GCN1: variants seen among roughly 807,000 people sequenced by gnomAD.
GCN1 encodes the protein stalled ribosome sensor GCN1.
GCN1 carries 90 observed loss-of-function variants against 288.4 expected under a neutral mutation model. That is an observed-to-expected ratio of 0.31 (90% CI 0.26 to 0.37). The LOEUF (loss-of-function observed/expected upper bound fraction) is 0.37, where lower values mean the gene tolerates loss of function less well. Among genes scored for constraint, GCN1 ranks in the 10% least tolerant of loss-of-function variants. GCN1 has a pLI of 1.00. For synonymous variants in GCN1, 1,386 were observed against 1,420.2 expected, an observed-to-expected ratio of 0.98 and a Z score of 0.54; for missense variants, 2,586 against 3,419.9, an observed-to-expected ratio of 0.76 and a Z score of 6.08.
chr12:120,173,948 A>G (rs779349172), intron 13 of GCN1, 122 bp from the exon 14 acceptor site: 99 of 1,049,532 alleles, frequency 9.4e-5, no homozygotes, highest in Non-Finnish European at 1.3e-4. Flanking sequence ...TCAGACAGCT[A>G]CGAGCCTTGC....
chr12:120,158,039 G>A lies in GCN1; in HGVS notation c.2906-9C>T, dbSNP rs1489398219. ...GGACAAGGGCGCAGCACCTGTGAGA[G>A]CGAGAAGCAGATAAGATTCTGCAGG... is the stretch of plus-strand genomic sequence containing the variant. On this transcript the variant is annotated splice_polypyrimidine_tract_variant and intron_variant, in intron 25 of 57. Transcript: ENST00000300648. The surrounding 1 kb of genome is among the most constrained non-coding windows in gnomAD (Gnocchi z 4.3). 2 of 1,613,064 alleles carry A rather than the reference G, an allele frequency of 1.2e-6. No individual in the cohort carries two copies. The highest frequency in any genetic ancestry group is 1.7e-5 in the Admixed American group (1 of 60,004).
intron 14 of GCN1, among the ~76,000 whole-genome samples, chr12:120,173,394 A>G (rs1188882524): frequency 6.6e-6 from 1 of 152,186 alleles, no homozygotes; most frequent in Non-Finnish European, 1.5e-5. Context: ...TTCAGATACT[A>G]TAGTGACAAG....
In GCN1 at chr12:120,156,604, C is replaced by T. The variant is rs1323599066; in HGVS notation, c.3169G>A (p.Val1057Ile). 6 of 1,613,860 alleles carry T rather than the reference C, an allele frequency of 3.7e-6. No individual in the cohort carries two copies. Among genetic ancestry groups the T allele is most frequent in the African/African-American group, 1.3e-5 (1 of 75,036 alleles). Reference sequence around the variant, plus strand: ...GTGGTCAGGGTGTCTGAAGCCAGAACCTAAGGAGAACATCAATCCACTGGT... The same window carrying T: ...GTGGTCAGGGTGTCTGAAGCCAGAATCTAAGGAGAACATCAATCCACTGGT... Reference protein sequence around the residue: ...VIGTGSPRLQVLASDTLTTLC... With the variant: ...VIGTGSPRLQILASDTLTTLC... The change falls in exon 28 of 58, where the codon GTT (valine) becomes ATT (isoleucine). Residue 1057 changes from valine (V) to isoleucine (I), a missense_variant and splice_region_variant. Val to Ile is a conservative substitution (Grantham distance 29, BLOSUM62 3). Around this residue, in one of 8 missense-constraint regions of GCN1, gnomAD observed 153 missense variants for 252.0 expected, o/e 0.61. Coordinates refer to ENST00000300648, the MANE Select transcript of GCN1 (RefSeq NM_006836.2). The surrounding 1 kb of genome is among the most constrained non-coding windows in gnomAD (Gnocchi z 5.8).
At position 120,178,930 on chromosome 12, in the gene GCN1, G is replaced by A. The variant is rs1878564609; in HGVS notation, c.447C>T (p.Leu149=). The change falls in exon 6 of 58, where the codon CTC becomes CTT. Residue 149 remains leucine (L), a synonymous_variant. Coordinates refer to ENST00000300648, the MANE Select transcript of GCN1 (RefSeq NM_006836.2). ...GGGAGCCACCCAGCACCTCCAGCAA[G>A]AGCAGGCACTGCACTTCCACCTGCC... ...WNKLVEVQCL[L]LLEVLGGSHK... The A allele has an allele frequency of 1.2e-6, 2 of 1,613,710 alleles. No individual in the cohort carries two copies. Among genetic ancestry groups the A allele is most frequent in the Non-Finnish European group, 1.7e-6 (2 of 1,179,934 alleles).
At chr12:120,185,832 C>T (rs535436768) in intron 2 of GCN1, among the ~76,000 whole-genome samples, 2 of 152,226 alleles carry the variant, frequency 1.3e-5, no homozygotes, top group Non-Finnish European at 2.9e-5. Context: ...AACTTGTGAC[C>T]TTGTGATCCA....
chr12:120,154,034 G>C, intron 31 of GCN1, 125 bp from the exon 32 acceptor site: 1 of 732,246 alleles, frequency 1.4e-6, no homozygotes, highest in East Asian at 2.7e-5. Context: ...TGGGGGCAGA[G>C]AACAGCCTGA....
At chr12:120,148,806 T>C (rs1438119224) in intron 36 of GCN1, among the ~76,000 whole-genome samples, 1 of 152,060 alleles carries the variant, frequency 6.6e-6, no homozygotes, top group Admixed American at 6.6e-5. Flanking sequence ...GTTTGCTTAT[T>C]AGGGTGCCAG....
chr12:120,137,754 T>G lies in GCN1; in HGVS notation c.6454A>C (p.Ile2152Leu), dbSNP rs1423603009. ...GTGGCCTCCAGCAGATCCTCGATGA[T>G]GATCCGGTGCCCTGTGTCATCCTCT... ...SVEDDTGHRI[I>L]IEDLLEATRS... is the part of the protein sequence containing the mutation. The change falls in exon 49 of 58, where the codon ATC becomes CTC. Residue 2152 changes from isoleucine (I) to leucine (L), a missense_variant. Transcript: ENST00000300648. The surrounding 1 kb of genome is among the most constrained non-coding windows in gnomAD (Gnocchi z 5.2). 1.9e-6 allele frequency: 3 copies of G among 1,613,978 alleles called. No individual in the cohort carries two copies. The African/African-American group carries it at 4.0e-5, about 22-fold the overall frequency.
In GCN1 at chr12:120,170,315, G is replaced by A. The variant is rs566170615; in HGVS notation, c.1373C>T (p.Thr458Met). Reference sequence around the variant, plus strand: ...CAGTAAGTCCAGGGCCTGCAACAGCGTGTCACCTGTGGAGAGAGGACAAGC... The same window carrying A: ...CAGTAAGTCCAGGGCCTGCAACAGCATGTCACCTGTGGAGAGAGGACAAGC... The part of the protein sequence containing the change: ...QCMLASYRGD[T>M]LLQALDLLPL... Residue 458 changes from threonine to methionine, a missense_variant, in exon 15 of 58, where the codon ACG becomes ATG. By Grantham distance (81) the Thr-to-Met change is moderately conservative. This residue lies in a region of GCN1 where 913 missense variants were observed against 1,107.0 expected (regional missense o/e 0.82). Transcript: ENST00000300648. The A allele has an allele frequency of 2.5e-5, 40 of 1,613,796 alleles. No individual in the cohort carries two copies. The highest frequency in any genetic ancestry group is 6.7e-5 in the East Asian group (3 of 44,890).
intron 2 of GCN1, 66 bp downstream of exon 2, chr12:120,190,224 CAAAAAAAA>C (rs34357352): frequency 2.4e-5 from 14 of 574,510 alleles, no homozygotes; most frequent in East Asian, 1.6e-4. Context: ...GACTCTGTCT[CAAAAAAAA>C]AAAAAAAAAA....
chr12:120,129,620 G>A, intron 56 of GCN1, 126 bp from the exon 57 acceptor site: 1 of 718,152 alleles, frequency 1.4e-6, no homozygotes, highest in Non-Finnish European at 2.4e-6. Context: ...CCTGTGGGAG[G>A]GTCCCAGCAT....
At chr12:120,128,994 C>T (rs796070020) in intron 57 of GCN1, among the ~76,000 whole-genome samples, 21 of 152,144 alleles carry the variant, frequency 1.4e-4, no homozygotes, top group East Asian at 3.9e-4. Flanking sequence ...CCGCCCACCA[C>T]GCCTGGCTAA....
intron 26 of GCN1, chr12:120,157,256 G>A (rs987545807): frequency 3.4e-5 from 15 of 434,866 alleles, no homozygotes; most frequent in African/African-American, 2.8e-4. Context: ...TATATGAAGA[G>A]ACACTCAACT....
chr12:120,177,498 G>T lies in GCN1; in HGVS notation c.787C>A (p.Leu263Met). The change falls in exon 9 of 58, where the codon CTG becomes ATG. Residue 263 changes from leucine to methionine, a missense_variant. Leu to Met is a conservative substitution (Grantham distance 15). This residue lies in a region of GCN1 where 913 missense variants were observed against 1,107.0 expected (regional missense o/e 0.82). Coordinates refer to ENST00000300648, the MANE Select transcript of GCN1 (RefSeq NM_006836.2). Reference sequence around the variant, plus strand: ...AGTAAGGACTTCTGTATGGTGGGCAGTATCAGATCCTTAAATTCTGAGTGG... The same window carrying T: ...AGTAAGGACTTCTGTATGGTGGGCATTATCAGATCCTTAAATTCTGAGTGG... ...LSHSEFKDLILPTIQKSLLRS... is the reference protein window; with the variant it reads ...LSHSEFKDLIMPTIQKSLLRS... 1 of 1,610,954 alleles carries T rather than the reference G, an allele frequency of 6.2e-7. No individual in the cohort carries two copies.
rs373593260 is a variant in GCN1, at chr12:120,134,423, C to G, written c.7203-18G>C. 1 of 1,603,596 alleles carries G rather than the reference C, an allele frequency of 6.2e-7. No individual in the cohort carries two copies. The highest frequency in any genetic ancestry group is 1.3e-5 in the African/African-American group (1 of 74,704). ...TGGTGTCCCTGCAGAAGCAATGCAC[C>G]GCCTTAAGCCCTGGGTGCCTCCACC... On this transcript the variant is annotated intron_variant, in intron 52 of 57. Coordinates refer to ENST00000300648, the MANE Select transcript of GCN1 (RefSeq NM_006836.2). The surrounding 1 kb of genome is among the most constrained non-coding windows in gnomAD (Gnocchi z 5.0).
intron 57 of GCN1, among the ~76,000 whole-genome samples, 160 bp downstream of exon 57, chr12:120,129,116 A>G (rs1000960508): frequency 1.3e-5 from 2 of 152,238 alleles, no homozygotes; most frequent in African/African-American, 4.8e-5. Flanking sequence ...GGCGCGAGCC[A>G]CCGCGCCCGG....
chr12:120,193,240 T>C (rs955055460), intron 1 of GCN1, among the ~76,000 whole-genome samples: 56 of 152,188 alleles, frequency 3.7e-4, no homozygotes, highest in Middle Eastern at 3.4e-3. Context: ...CACCACCCAA[T>C]ACGGTAGCCA....
At chr12:120,163,914 G>C (rs1356544261) in intron 18 of GCN1, among the ~76,000 whole-genome samples, 2 of 152,180 alleles carry the variant, frequency 1.3e-5, no homozygotes, top group Non-Finnish European at 2.9e-5. Flanking sequence ...CTTCAGCCTA[G>C]AAGTTCGAGA....
chr12:120,166,186 T>G (rs1040530031), intron 16 of GCN1, among the ~76,000 whole-genome samples: 11 of 150,314 alleles, frequency 7.3e-5, no homozygotes, highest in Non-Finnish European at 1.3e-4. Context: ...GCAGGTCACC[T>G]GAAGTCAGGA....
Sources: allele counts gnomAD v4.1 joint callset (sites outside exome capture counted in the v4.1 genomes callset), GRCh38; gene constraint gnomAD v4.1.1; regional missense constraint gnomAD v4.1.1; non-coding constraint Gnocchi (gnomAD v3.1); transcripts MANE v1.5; gene names NCBI Gene and HGNC (gene_info 2026-07-23, HGNC 2026-07-21).